CNTN4: variants seen among roughly 807,000 people sequenced by gnomAD.
The protein encoded by CNTN4 is contactin-4.
CNTN4 carries 77 observed loss-of-function variants against 122.5 expected under a neutral mutation model. That is an observed-to-expected ratio of 0.63 (90% CI 0.52 to 0.76). The LOEUF (loss-of-function observed/expected upper bound fraction) is 0.76. Ranked by LOEUF, CNTN4 falls within the 30% of genes least tolerant of loss-of-function variation. The pLI is 0.00. For synonymous variants in CNTN4, 512 were observed against 447.0 expected (o/e 1.15, Z -1.83); for missense variants, 1,256 against 1,259.1 (o/e 1.00, Z 0.04).
chr3:2,744,211 A>AG (rs1239956945), intron 5 of CNTN4, among the ~76,000 whole-genome samples: 1 of 152,252 alleles, frequency 6.6e-6, no homozygotes, highest in Non-Finnish European at 1.5e-5. Context: ...GTCTTGACAA[A>AG]AAGAAGGGAT....
At chr3:2,602,420 A>G (rs189377530) in intron 4 of CNTN4, among the ~76,000 whole-genome samples, 4 of 152,330 alleles carry the variant, frequency 2.6e-5, no homozygotes, top group African/African-American at 7.2e-5. Flanking sequence ...TGAATGTGCA[A>G]AAATCACAAG....
intron 3 of CNTN4, among the ~76,000 whole-genome samples, chr3:2,562,939 GC>G (rs2079019323): frequency 2.0e-5 from 3 of 151,904 alleles, no homozygotes; most frequent in Non-Finnish European, 2.9e-5. Flanking sequence ...TGTTGCCCTG[GC>G]TGGTCTCGAA....
intron 14 of CNTN4, among the ~76,000 whole-genome samples, chr3:3,016,886 T>G (rs1697809369): frequency 1.3e-5 from 2 of 152,188 alleles, no homozygotes; most frequent in Non-Finnish European, 2.9e-5. Flanking sequence ...GATTTGTAAA[T>G]TGCTTTACAC....
At chr3:2,883,121 C>T (rs1412552259) in intron 8 of CNTN4, 24 bp from the exon 9 acceptor site, 1 of 1,523,884 alleles carries the variant, frequency 6.6e-7, no homozygotes, top group Non-Finnish European at 9.1e-7. Context: ...ATCTCCAAGA[C>T]TTAGCCCCTT....
chr3:2,369,542 C>T (rs1228185462), intron 3 of CNTN4, among the ~76,000 whole-genome samples: 2 of 152,156 alleles, frequency 1.3e-5, no homozygotes, highest in African/African-American at 4.8e-5. Flanking sequence ...TGCCAGAAAT[C>T]ACAAATGTTC....
intron 3 of CNTN4, among the ~76,000 whole-genome samples, chr3:2,491,034 C>A (rs980154196): frequency 2.6e-5 from 4 of 152,074 alleles, no homozygotes; most frequent in African/African-American, 9.7e-5. Flanking sequence ...ATCAGTCTTT[C>A]CAGGAGGGTA....
At chr3:2,598,811 A>T (rs551878789) in intron 4 of CNTN4, among the ~76,000 whole-genome samples, 2 of 152,172 alleles carry the variant, frequency 1.3e-5, no homozygotes, top group Non-Finnish European at 2.9e-5. Flanking sequence ...TCCAACATAT[A>T]TACATGAAAG....
chr3:2,422,558 A>C (rs1185472076), intron 3 of CNTN4, among the ~76,000 whole-genome samples: 1 of 152,196 alleles, frequency 6.6e-6, no homozygotes, highest in Non-Finnish European at 1.5e-5. Context: ...ATCTAAAGCC[A>C]TTGCTTTATA....
chr3:2,118,484 AT>A (rs1481018605), intron 2 of CNTN4, among the ~76,000 whole-genome samples: 1 of 152,252 alleles, frequency 6.6e-6, no homozygotes, highest in Non-Finnish European at 1.5e-5. Flanking sequence ...CCATTTTAAA[AT>A]GGGAAGATTT....
At chr3:2,415,478 C>T (rs74598579) in intron 3 of CNTN4, among the ~76,000 whole-genome samples, 2,498 of 152,114 alleles carry the variant, frequency 0.016, 73 homozygotes, top group African/African-American at 0.057. Context: ...TGTTGGGTGC[C>T]TTTAAAAAGT....
chr3:2,716,383 G>A (rs2149367827), intron 4 of CNTN4, among the ~76,000 whole-genome samples: 1 of 151,412 alleles, frequency 6.6e-6, no homozygotes, highest in East Asian at 1.9e-4. Flanking sequence ...ATTGTTTTAA[G>A]GATTAAGTGA....
At chr3:2,317,638 T>C (rs2043149951) in intron 2 of CNTN4, among the ~76,000 whole-genome samples, 1 of 152,210 alleles carries the variant, frequency 6.6e-6, no homozygotes, top group South Asian at 2.1e-4. Context: ...TCATAGTGAG[T>C]TTGAAGTCTT....
At chr3:2,185,265 A>T (rs528139126) in intron 2 of CNTN4, among the ~76,000 whole-genome samples, 1 of 152,128 alleles carries the variant, frequency 6.6e-6, no homozygotes, top group Admixed American at 6.6e-5. Context: ...TGGGGCAGAA[A>T]TGGGGACACA....
intron 2 of CNTN4, among the ~76,000 whole-genome samples, chr3:2,282,853 A>T (rs1451029706): frequency 6.6e-6 from 1 of 152,198 alleles, no homozygotes; most frequent in South Asian, 2.1e-4. Context: ...TACAAGTTGG[A>T]TGAACTTTGA....
At chr3:2,371,127 G>T (rs2045617124) in intron 3 of CNTN4, among the ~76,000 whole-genome samples, 2 of 152,242 alleles carry the variant, frequency 1.3e-5, no homozygotes, top group South Asian at 4.1e-4. Context: ...TGCATTTGTG[G>T]GAGAATGGAT....
At chr3:2,919,012 C>T (rs1472254128) in intron 12 of CNTN4, among the ~76,000 whole-genome samples, 9 of 151,728 alleles carry the variant, frequency 5.9e-5, no homozygotes, top group Non-Finnish European at 2.9e-5. Context: ...GAAAGAGGCT[C>T]TTACTTGAAT....
intron 10 of CNTN4, among the ~76,000 whole-genome samples, chr3:2,900,139 A>G (rs1275608795): frequency 2.0e-5 from 3 of 152,190 alleles, no homozygotes; most frequent in Non-Finnish European, 4.4e-5. Context: ...GTCTGCACCC[A>G]AGGCTATTTC....
At chr3:2,405,896 G>T (rs2047018550) in intron 3 of CNTN4, among the ~76,000 whole-genome samples, 4 of 151,932 alleles carry the variant, frequency 2.6e-5, no homozygotes, top group Admixed American at 2.6e-4. Flanking sequence ...GTGTGGTGGT[G>T]CATGCCTGTA....
At chr3:2,275,084 G>A (rs1012090217) in intron 2 of CNTN4, among the ~76,000 whole-genome samples, 3 of 152,200 alleles carry the variant, frequency 2.0e-5, no homozygotes, top group Admixed American at 2.0e-4. Context: ...TAAGGTAAGA[G>A]TAAGAGAGAT....
Sources: gnomAD v4.1 joint callset for allele counts (sites outside exome capture counted in the v4.1 genomes callset) on GRCh38, gnomAD v4.1.1 for gene constraint, MANE v1.5 for transcripts, NCBI Gene and HGNC (gene_info 2026-07-23, HGNC 2026-07-21) for gene names.